Variants in TCERG1L observed in about 807,000 individuals in gnomAD.
TCERG1L encodes the protein transcription elongation regulator 1 like, also known as transcription elongation regulator 1-like protein.
Under a neutral mutation model 56.3 loss-of-function variants are expected in TCERG1L, and 37 were observed. That is an observed-to-expected ratio of 0.66 (90% CI 0.51 to 0.87). TCERG1L has a LOEUF of 0.87. TCERG1L is among the 40% of genes least tolerant of loss of function. The pLI, the probability that TCERG1L is intolerant of heterozygous loss-of-function variation, is 0.00. For synonymous variants in TCERG1L, 324 were observed against 326.3 expected (o/e 0.99, Z 0.08); for missense variants, 799 against 774.2 (o/e 1.03, Z -0.38).
chr10:131,256,179 A>C (rs1016695489), intron 4 of TCERG1L, among the ~76,000 whole-genome samples: 6 of 152,184 alleles, frequency 3.9e-5, no homozygotes, highest in African/African-American at 1.4e-4. Context: ...TGGATGATTT[A>C]AAAAAAGACC....
chr10:131,131,951 A>G (rs1845623032), intron 8 of TCERG1L, among the ~76,000 whole-genome samples: 1 of 152,230 alleles, frequency 6.6e-6, no homozygotes. Flanking sequence ...AATACATAAA[A>G]GCAGCTAGGA....
intron 4 of TCERG1L, among the ~76,000 whole-genome samples, chr10:131,197,881 A>C (rs1845384177): frequency 6.6e-6 from 1 of 152,250 alleles, no homozygotes; most frequent in Admixed American, 6.5e-5. Context: ...CATAATCTTT[A>C]GACCAAATTC....
intron 4 of TCERG1L, among the ~76,000 whole-genome samples, chr10:131,177,995 T>C (rs1226275432): frequency 2.0e-5 from 3 of 152,140 alleles, no homozygotes; most frequent in South Asian, 2.1e-4. Flanking sequence ...GTTGCCATTT[T>C]GATGGAAGCA....
At chr10:131,274,284 G>A (rs746028932) in intron 3 of TCERG1L, among the ~76,000 whole-genome samples, 3 of 152,180 alleles carry the variant, frequency 2.0e-5, no homozygotes, top group South Asian at 2.1e-4. Flanking sequence ...TTTGGGTGGC[G>A]GATGGTGCCT....
chr10:131,171,589 T>C (rs541253673), intron 4 of TCERG1L, among the ~76,000 whole-genome samples: 3 of 152,200 alleles, frequency 2.0e-5, no homozygotes, highest in Non-Finnish European at 4.4e-5. Flanking sequence ...TATTTATTTA[T>C]TTATTTAGAG....
chr10:131,246,339 G>A (rs878881178), intron 4 of TCERG1L, among the ~76,000 whole-genome samples: 4 of 152,126 alleles, frequency 2.6e-5, no homozygotes, highest in East Asian at 3.9e-4. Flanking sequence ...AGGAAGTGCT[G>A]AGCAAGGAGA....
chr10:131,308,978 C>T (rs1006026201), intron 2 of TCERG1L, among the ~76,000 whole-genome samples, 175 bp downstream of exon 2: 7 of 152,148 alleles, frequency 4.6e-5, no homozygotes, highest in Non-Finnish European at 1.5e-5. Flanking sequence ...CAAAATGCCC[C>T]CCACCAGCTG....
At chr10:131,157,607 A>G (rs1361391534) in intron 6 of TCERG1L, among the ~76,000 whole-genome samples, 1 of 152,170 alleles carries the variant, frequency 6.6e-6, no homozygotes, top group Non-Finnish European at 1.5e-5. Context: ...AAAAGACGAT[A>G]CAGAAATTCC....
At chr10:131,137,665 ATAT>A (rs1845691115) in intron 7 of TCERG1L, among the ~76,000 whole-genome samples, 1 of 152,244 alleles carries the variant, frequency 6.6e-6, no homozygotes, top group Non-Finnish European at 1.5e-5. Flanking sequence ...AATTACACAC[ATAT>A]TATTTAAAGT....
At chr10:131,206,104 G>A (rs909939793) in intron 4 of TCERG1L, among the ~76,000 whole-genome samples, 8 of 152,258 alleles carry the variant, frequency 5.3e-5, no homozygotes, top group Non-Finnish European at 7.3e-5. Flanking sequence ...TTCCCAGGCG[G>A]GAGAACTGGC....
intron 3 of TCERG1L, among the ~76,000 whole-genome samples, chr10:131,269,405 T>C (rs1160314887): frequency 6.6e-6 from 1 of 152,196 alleles, no homozygotes; most frequent in Admixed American, 6.5e-5. Flanking sequence ...TAGGCTGCTC[T>C]CAAACTCCTG....
intron 7 of TCERG1L, among the ~76,000 whole-genome samples, chr10:131,135,606 G>A (rs1454491945): frequency 6.6e-6 from 1 of 152,208 alleles, no homozygotes; most frequent in Non-Finnish European, 1.5e-5. Context: ...TCAGGCTCTG[G>A]AAGCCCCGGC....
rs748595098 is a variant in TCERG1L, at chr10:131,093,176, G to A, written c.1747C>T (p.Arg583Trp). ...TTTTCACAAACTCATCTCATTTTCCGCAGCCTTAGTCTGTTTTCCTTGTCC... is the reference window on the plus strand; with the variant it reads ...TTTTCACAAACTCATCTCATTTTCCACAGCCTTAGTCTGTTTTCCTTGTCC... ...KRDKENRLRLRKMR is the reference protein window; with the variant it reads ...KRDKENRLRLWKMR The change falls in exon 12 of 12, where the codon CGG becomes TGG. Residue 583 changes from arginine to tryptophan, a missense_variant. Coordinates refer to ENST00000368642, the MANE Select transcript of TCERG1L (RefSeq NM_174937.4). The A allele has an allele frequency of 8.7e-6, 14 of 1,612,112 alleles. No individual in the cohort carries two copies. The highest frequency in any genetic ancestry group is 4.0e-5 in the African/African-American group (3 of 74,694).
intron 4 of TCERG1L, among the ~76,000 whole-genome samples, chr10:131,206,102 C>T (rs1025400451): frequency 4.6e-5 from 7 of 152,304 alleles, no homozygotes; most frequent in East Asian, 1.9e-4. Flanking sequence ...GATTCCCAGG[C>T]GGGAGAACTG....
At chr10:131,162,671 T>G (rs1217168026) in intron 6 of TCERG1L, 1 of 154,730 alleles carries the variant, frequency 6.5e-6, no homozygotes, top group Non-Finnish European at 1.4e-5. Context: ...AACCAAAAAC[T>G]GTAGCTCCCT....
rs200182846 is a variant in TCERG1L at position 131,094,851 on chromosome 10, TC to T, written c.1605-1534del. Reference sequence around the variant, plus strand: ...AGACTTGCCTGGGCTTGTTCCACGCTCCCCTGGCTAGACAGGCATCTACACA... The same window carrying T: ...AGACTTGCCTGGGCTTGTTCCACGCTCCCTGGCTAGACAGGCATCTACACA... On this transcript the variant is annotated intron_variant, in intron 11 of 11. Transcript: ENST00000368642. Among the ~76,000 whole-genome samples the T allele has an allele frequency of 7.1e-3, 1,080 of 152,100 alleles. 10 individuals are homozygous for T. The highest frequency in any genetic ancestry group is 0.025 in the African/African-American group (1,030 of 41,466).
At chr10:131,307,451 T>C (rs548119502) in intron 3 of TCERG1L, among the ~76,000 whole-genome samples, 32 of 152,312 alleles carry the variant, frequency 2.1e-4, no homozygotes, top group Non-Finnish European at 3.8e-4. Flanking sequence ...GCTTGGTAGG[T>C]AGGAAATTAC....
chr10:131,176,903 T>TCC (rs1846162795), intron 4 of TCERG1L, among the ~76,000 whole-genome samples: 1 of 39,922 alleles, frequency 2.5e-5, no homozygotes, highest in East Asian at 5.8e-4. Flanking sequence ...CACAGACACA[T>TCC]TCACACACCA....
intron 3 of TCERG1L, among the ~76,000 whole-genome samples, chr10:131,272,546 G>C (rs138736680): frequency 1.3e-5 from 2 of 152,212 alleles, no homozygotes; most frequent in East Asian, 3.9e-4. Context: ...AGTCCCCAAG[G>C]GCCCCCACCA....
Sources: gnomAD v4.1 joint callset for allele counts (sites outside exome capture counted in the v4.1 genomes callset) on GRCh38, gnomAD v4.1.1 for gene constraint, MANE v1.5 for transcripts, NCBI Gene and HGNC (gene_info 2026-07-23, HGNC 2026-07-21) for gene names.